CHRM3: variants seen among roughly 807,000 people sequenced by gnomAD.
CHRM3 encodes the protein muscarinic acetylcholine receptor M3.
In CHRM3, 11 loss-of-function variants were observed where a neutral mutation model predicts 41.8. That is an observed-to-expected ratio of 0.26 (90% CI 0.17 to 0.44). The LOEUF (loss-of-function observed/expected upper bound fraction) is 0.44, where lower values mean the gene tolerates loss of function less well. Among genes scored for constraint, CHRM3 ranks in the 20% least tolerant of loss-of-function variants. The probability of loss-of-function intolerance (pLI) is 1.00; values close to 1 mark genes in which losing one functional copy is unlikely to be tolerated. For synonymous variants in CHRM3, 297 were observed against 301.4 expected (o/e 0.99, Z 0.15); for missense variants, 571 against 745.4 (o/e 0.77, Z 2.72).
intron 3 of CHRM3, among the ~76,000 whole-genome samples, chr1:239,614,060 G>A (rs927231533): frequency 7.9e-5 from 12 of 152,282 alleles, no homozygotes; most frequent in African/African-American, 2.6e-4. Flanking sequence ...CCAGCTACTT[G>A]AGAGGCTGAG....
intron 2 of CHRM3, among the ~76,000 whole-genome samples, chr1:239,508,791 T>C (rs961124082): frequency 6.6e-5 from 10 of 152,224 alleles, no homozygotes; most frequent in East Asian, 1.9e-4. Flanking sequence ...CTAGTTATGT[T>C]GTTAAATGGG....
chr1:239,415,427 A>C (rs927481558), intron 1 of CHRM3, among the ~76,000 whole-genome samples: 1 of 152,182 alleles, frequency 6.6e-6, no homozygotes, highest in African/African-American at 2.4e-5. Context: ...CCGACAGAGC[A>C]AGAATCTGTC....
At chr1:239,749,626 C>A (rs1015420629) in intron 5 of CHRM3, among the ~76,000 whole-genome samples, 7 of 152,146 alleles carry the variant, frequency 4.6e-5, no homozygotes, top group Admixed American at 2.6e-4. Flanking sequence ...AGAGATCATG[C>A]CACTTCACTC....
intron 1 of CHRM3, among the ~76,000 whole-genome samples, chr1:239,389,380 G>T (rs1658820603): frequency 6.6e-6 from 1 of 152,140 alleles, no homozygotes; most frequent in East Asian, 1.9e-4. Context: ...GAAGTAAAAT[G>T]TCACTTCAAA....
At chr1:239,729,163 C>A (rs1663725001) in intron 5 of CHRM3, among the ~76,000 whole-genome samples, 1 of 151,910 alleles carries the variant, frequency 6.6e-6, no homozygotes, top group Non-Finnish European at 1.5e-5. Flanking sequence ...TATTCACTAC[C>A]CCTTGCTCAT....
chr1:239,771,950 A>G (rs577598206), intron 5 of CHRM3, among the ~76,000 whole-genome samples: 4 of 152,340 alleles, frequency 2.6e-5, no homozygotes, highest in Non-Finnish European at 4.4e-5. Flanking sequence ...TTGTGGTTCT[A>G]TCTTGGTTAA....
At chr1:239,853,789 G>A (rs904438503) in intron 6 of CHRM3, among the ~76,000 whole-genome samples, 5 of 152,142 alleles carry the variant, frequency 3.3e-5, no homozygotes, top group East Asian at 1.9e-4. Flanking sequence ...AAAAGGAGAA[G>A]GGATAATGGA....
chr1:239,726,172 G>C (rs1239840708), intron 5 of CHRM3, among the ~76,000 whole-genome samples: 1 of 151,900 alleles, frequency 6.6e-6, no homozygotes, highest in Non-Finnish European at 1.5e-5. Flanking sequence ...AAAGCGTATT[G>C]ACCTTTGTTC....
At chr1:239,688,306 A>C (rs2147946867) in intron 5 of CHRM3, among the ~76,000 whole-genome samples, 1 of 146,826 alleles carries the variant, frequency 6.8e-6, no homozygotes, top group South Asian at 2.1e-4. Context: ...TATTTTATAT[A>C]TATGTACGTA....
chr1:239,609,238 G>T (rs1666716082), intron 3 of CHRM3, among the ~76,000 whole-genome samples: 1 of 152,126 alleles, frequency 6.6e-6, no homozygotes, highest in South Asian at 2.1e-4. Flanking sequence ...AAATGAATAG[G>T]ATGATAAAAA....
At chr1:239,702,588 G>T (rs1246326392) in intron 5 of CHRM3, among the ~76,000 whole-genome samples, 2 of 152,158 alleles carry the variant, frequency 1.3e-5, no homozygotes, top group Non-Finnish European at 2.9e-5. Flanking sequence ...TTTACAAAAA[G>T]AAAATTCACC....
intron 1 of CHRM3, among the ~76,000 whole-genome samples, chr1:239,464,416 G>A (rs1356847603): frequency 1.3e-5 from 2 of 151,804 alleles, no homozygotes; most frequent in African/African-American, 2.4e-5. Flanking sequence ...TACCTCCTAT[G>A]GTGAACCTTA....
At chr1:239,813,961 T>C (rs942037895) in intron 5 of CHRM3, among the ~76,000 whole-genome samples, 1 of 150,632 alleles carries the variant, frequency 6.6e-6, no homozygotes, top group African/African-American at 2.5e-5. Context: ...GCCTTCCTAT[T>C]GATGAAGCCC....
At chr1:239,607,179 C>T (rs1307401474) in intron 3 of CHRM3, among the ~76,000 whole-genome samples, 1 of 152,156 alleles carries the variant, frequency 6.6e-6, no homozygotes, top group Non-Finnish European at 1.5e-5. Context: ...TTCCCACAGG[C>T]TAACCCCATT....
In CHRM3 at chr1:239,521,496, T is replaced by C. The variant is rs551242825; in HGVS notation, c.-421-24145T>C. Among the ~76,000 whole-genome samples the C allele has an allele frequency of 4.8e-4, 73 of 152,334 alleles. 1 individual carries two copies. Among genetic ancestry groups the C allele is most frequent in the Admixed American group, 2.7e-3 (41 of 15,302 alleles). On this transcript the variant is annotated intron_variant, in intron 2 of 6. Coordinates refer to ENST00000676153, the MANE Select transcript of CHRM3 (RefSeq NM_001375978.1). ...ATTCTCAAGTGGTGACATGATAATA[T>C]TGGTTTTCTATCATTACAATGAATA...
At chr1:239,877,299 C>T (rs1488327467) in intron 6 of CHRM3, among the ~76,000 whole-genome samples, 1 of 151,882 alleles carries the variant, frequency 6.6e-6, no homozygotes, top group Non-Finnish European at 1.5e-5. Flanking sequence ...TTTTTAAAAG[C>T]ATAAAATGGC....
At chr1:239,782,841 AT>A (rs764535159) in intron 5 of CHRM3, among the ~76,000 whole-genome samples, 1 of 152,096 alleles carries the variant, frequency 6.6e-6, no homozygotes, top group Non-Finnish European at 1.5e-5. Context: ...AATATTCCAA[AT>A]TTCTTTTTGC....
At chr1:239,755,884 A>G (rs1666200850) in intron 5 of CHRM3, among the ~76,000 whole-genome samples, 1 of 152,220 alleles carries the variant, frequency 6.6e-6, no homozygotes, top group Non-Finnish European at 1.5e-5. Flanking sequence ...TATTTTGTTC[A>G]TCTTCATATT....
chr1:239,489,326 C>T (rs1171206627), intron 1 of CHRM3, among the ~76,000 whole-genome samples: 4 of 151,892 alleles, frequency 2.6e-5, no homozygotes, highest in Admixed American at 6.6e-5. Flanking sequence ...GCAGGAGAAT[C>T]GCTTGAACCT....
Sources: allele counts gnomAD v4.1 joint callset (sites outside exome capture counted in the v4.1 genomes callset), GRCh38; gene constraint gnomAD v4.1.1; transcripts MANE v1.5; gene names NCBI Gene and HGNC (gene_info 2026-07-23, HGNC 2026-07-21).